The following PCDHGA1 variants were observed in gnomAD, a reference collection of about 807,000 sequenced individuals.
PCDHGA1 encodes the protein protocadherin gamma subfamily A, 1.
Under a neutral mutation model 58.0 loss-of-function variants are expected in PCDHGA1, and 32 were observed. That is an observed-to-expected ratio of 0.55 (90% confidence interval 0.42 to 0.74). The LOEUF is 0.74. Among genes scored for constraint, PCDHGA1 ranks in the 30% least tolerant of loss-of-function variants. The probability of loss-of-function intolerance (pLI) is 0.00; values close to 1 mark genes in which losing one functional copy is unlikely to be tolerated. For missense variants in PCDHGA1, 1,205 were observed against 1,182.3 expected, an observed-to-expected ratio of 1.02 and a Z score of -0.28; for synonymous variants, 498 against 501.1, an observed-to-expected ratio of 0.99 and a Z score of 0.08.
intron 1 of PCDHGA1, chr5:141,430,690 G>A: frequency 1.4e-6 from 2 of 1,410,426 alleles, no homozygotes; most frequent in Non-Finnish European, 1.9e-6. Flanking sequence ...CCCATTCTAT[G>A]GGCGAAGGAA....
At chr5:141,365,884 A>G (rs992274434) in intron 1 of PCDHGA1, 1 of 1,614,096 alleles carries the variant, frequency 6.2e-7, no homozygotes, top group Admixed American at 1.7e-5. Flanking sequence ...ATGCTCTGAG[A>G]TCCTTCGACT....
At chr5:141,371,563 T>C in intron 1 of PCDHGA1, 2 of 1,613,806 alleles carry the variant, frequency 1.2e-6, no homozygotes, top group Non-Finnish European at 1.7e-6. Flanking sequence ...AAAGGAAACT[T>C]CCCCTTTAAA....
intron 1 of PCDHGA1, chr5:141,360,626 C>G: frequency 6.2e-7 from 1 of 1,614,010 alleles, no homozygotes; most frequent in Non-Finnish European, 8.5e-7. Flanking sequence ...GATGTTGGTC[C>G]TAACTCACTA....
chr5:141,364,215 A>G, intron 1 of PCDHGA1: 1 of 1,300,530 alleles, frequency 7.7e-7, no homozygotes, highest in South Asian at 1.7e-5. Context: ...AGCTCCTACG[A>G]AAAGCCAACG....
At chr5:141,357,327 G>A (rs373544325) in intron 1 of PCDHGA1, 63 of 1,613,912 alleles carry the variant, frequency 3.9e-5, no homozygotes, top group Non-Finnish European at 4.9e-5. Context: ...CTTTTGTCAC[G>A]GTGCTGCTAG....
chr5:141,428,632 G>A (rs574049916), intron 1 of PCDHGA1: 35 of 182,522 alleles, frequency 1.9e-4, no homozygotes, highest in African/African-American at 7.6e-4. Context: ...CTCTAACTCT[G>A]TTGCTCCTAC....
At chr5:141,465,768 C>T (rs1414064889) in intron 1 of PCDHGA1, among the ~76,000 whole-genome samples, 1 of 151,916 alleles carries the variant, frequency 6.6e-6, no homozygotes, top group Non-Finnish European at 1.5e-5. Flanking sequence ...CATGTTTCAT[C>T]TCTTGTTACA....
chr5:141,339,953 C>T, intron 1 of PCDHGA1: 2 of 1,614,142 alleles, frequency 1.2e-6, no homozygotes, highest in East Asian at 2.2e-5. Context: ...TCCGGGCCTT[C>T]TAACCAGAGC....
chr5:141,386,921 A>G (rs2090747482), intron 1 of PCDHGA1, among the ~76,000 whole-genome samples: 1 of 152,228 alleles, frequency 6.6e-6, no homozygotes. Flanking sequence ...GGAATGTAAA[A>G]TAAGTGCAGA....
chr5:141,345,546 G>C (rs1291837550), intron 1 of PCDHGA1: 3 of 1,614,016 alleles, frequency 1.9e-6, no homozygotes, highest in Admixed American at 3.3e-5. Flanking sequence ...GTCCTCCTTC[G>C]TCTCTATCAA....
intron 1 of PCDHGA1, chr5:141,414,621 C>G: frequency 6.2e-7 from 1 of 1,613,996 alleles, no homozygotes; most frequent in Non-Finnish European, 8.5e-7. Flanking sequence ...CAGCGCTGGA[C>G]CCGGACAGCA....
Position 141,489,323 on chromosome 5 carries a change from C to T in PCDHGA1, c.2422-5484C>T, listed in dbSNP as rs746520513. 1 of 1,601,632 alleles carries T rather than the reference C, an allele frequency of 6.2e-7. No individual in the cohort carries two copies. Among genetic ancestry groups the T allele is most frequent in the Non-Finnish European group, 8.5e-7 (1 of 1,172,950 alleles). ...TCCTTGTGCTGCTGGGGCTGGGTGT[C>T]TGGGCAGCTTCGTTACTCAGTGGTG... On this transcript the variant is annotated intron_variant, in intron 1 of 3. Coordinates refer to ENST00000517417, the MANE Select transcript of PCDHGA1 (RefSeq NM_018912.3). The surrounding 1 kb of genome is among the most constrained non-coding windows in gnomAD (Gnocchi z 4.5).
intron 1 of PCDHGA1, among the ~76,000 whole-genome samples, chr5:141,475,520 C>T (rs2099364531): frequency 6.6e-6 from 1 of 152,204 alleles, no homozygotes; most frequent in Non-Finnish European, 1.5e-5. Context: ...CACGGAAATG[C>T]TAAATGCCTC....
Position 141,485,859 on chromosome 5 carries a change from G to A in PCDHGA1, c.2422-8948G>A, listed in dbSNP as rs1272239385. ...CCGAGATCTGGCACCGCAGAGCTCC[G>A]GGTATCCGTGCTGGACGTAAACGAC... On this transcript the variant is annotated intron_variant, in intron 1 of 3. Transcript: ENST00000517417. This position sits in a 1 kb window ranked among gnomAD's most constrained non-coding sequence, Gnocchi z 5.7. 3.7e-6 allele frequency: 6 copies of A among 1,614,046 alleles called. No homozygotes were observed. Among genetic ancestry groups the A allele is most frequent in the Admixed American group, 3.3e-5 (2 of 60,000 alleles).
rs1408454981 is a variant in PCDHGA1, at chr5:141,489,682, T to C, written c.2422-5125T>C. The C allele has an allele frequency of 6.2e-7, 1 of 1,614,184 alleles. No individual in the cohort carries two copies. The highest frequency in any genetic ancestry group is 8.5e-7 in the Non-Finnish European group (1 of 1,180,024). On this transcript the variant is annotated intron_variant, in intron 1 of 3. Transcript: ENST00000517417. This position sits in a 1 kb window ranked among gnomAD's most constrained non-coding sequence, Gnocchi z 4.5. ...GATGCGCATCTCAGAATCAGCAGCATCTGGGGCACGATTCCCACTGGACAG... is the reference window on the plus strand; with the variant it reads ...GATGCGCATCTCAGAATCAGCAGCACCTGGGGCACGATTCCCACTGGACAG...
intron 3 of PCDHGA1, among the ~76,000 whole-genome samples, chr5:141,508,629 T>C (rs934648689): frequency 6.6e-6 from 1 of 152,054 alleles, no homozygotes; most frequent in Non-Finnish European, 1.5e-5. Context: ...GGGCCGAGCT[T>C]CTAGCTACTC....
chr5:141,376,975 C>T (rs1216034593), intron 1 of PCDHGA1: 1 of 157,554 alleles, frequency 6.3e-6, no homozygotes, highest in African/African-American at 2.4e-5. Flanking sequence ...GCGTGAGCCA[C>T]CGCGCCCGGC....
intron 1 of PCDHGA1, chr5:141,374,296 G>C (rs779933812): frequency 6.2e-7 from 1 of 1,613,974 alleles, no homozygotes; most frequent in Non-Finnish European, 8.5e-7. Flanking sequence ...CCAGAGGTAG[G>C]ATGCAGCTTT....
intron 1 of PCDHGA1, among the ~76,000 whole-genome samples, chr5:141,437,156 G>A (rs2097864365): frequency 6.6e-6 from 1 of 152,172 alleles, no homozygotes. Flanking sequence ...TAACATATGT[G>A]TTGATTGTTT....
Sources: allele counts gnomAD v4.1 joint callset (sites outside exome capture counted in the v4.1 genomes callset), GRCh38; gene constraint gnomAD v4.1.1; non-coding constraint Gnocchi (gnomAD v3.1); transcripts MANE v1.5; gene names NCBI Gene and HGNC (gene_info 2026-07-23, HGNC 2026-07-21).